Variants in GRIA2 observed in about 807,000 individuals in gnomAD.
The protein encoded by GRIA2 is glutamate ionotropic receptor AMPA type subunit 2.
GRIA2 carries 14 observed loss-of-function variants against 97.3 expected under a neutral mutation model. The observed-to-expected ratio is 0.14, with a 90% CI of 0.10 to 0.23. GRIA2 has a LOEUF of 0.23. GRIA2 is among the 10% of genes least tolerant of loss of function. The pLI, the probability that GRIA2 is intolerant of heterozygous loss-of-function variation, is 1.00. For synonymous variants in GRIA2, 412 were observed against 387.8 expected, an observed-to-expected ratio of 1.06 and a Z score of -0.73; for missense variants, 558 against 1,069.8, an observed-to-expected ratio of 0.52 and a Z score of 6.67.
intron 12 of GRIA2, among the ~76,000 whole-genome samples, chr4:157,349,509 TG>T (rs1479064842): frequency 6.7e-6 from 1 of 149,088 alleles, no homozygotes; most frequent in Non-Finnish European, 1.5e-5. Context: ...CGTTCTTTTT[TG>T]TAACCTCAAA....
chr4:157,271,700 T>TC (rs1732031994), intron 2 of GRIA2, among the ~76,000 whole-genome samples: 1 of 152,108 alleles, frequency 6.6e-6, no homozygotes, highest in Non-Finnish European at 1.5e-5. Flanking sequence ...CTCTCTGCCC[T>TC]CCCTGGAGGT....
chr4:157,347,078 C>T (rs531333915), intron 12 of GRIA2, among the ~76,000 whole-genome samples: 4 of 152,190 alleles, frequency 2.6e-5, no homozygotes, highest in Admixed American at 6.5e-5. Context: ...TCCTTTAAAA[C>T]GTATTGCCCA....
chr4:157,316,084 A>C (rs1488062678), intron 4 of GRIA2, among the ~76,000 whole-genome samples: 1 of 152,126 alleles, frequency 6.6e-6, no homozygotes, highest in East Asian at 1.9e-4. Context: ...CTACTGATAC[A>C]ACCTTTTATA....
At chr4:157,274,020 C>G (rs1433460480) in intron 2 of GRIA2, among the ~76,000 whole-genome samples, 4 of 152,016 alleles carry the variant, frequency 2.6e-5, no homozygotes. Flanking sequence ...AGAATTATAT[C>G]TGACTTACCC....
At chr4:157,222,453 C>T (rs1173338400) in intron 2 of GRIA2, among the ~76,000 whole-genome samples, 1 of 152,116 alleles carries the variant, frequency 6.6e-6, no homozygotes, top group Non-Finnish European at 1.5e-5. Flanking sequence ...GACGCAGGCT[C>T]AGGCCGGCCG....
intron 2 of GRIA2, among the ~76,000 whole-genome samples, chr4:157,235,205 T>C (rs1190724049): frequency 6.6e-6 from 1 of 152,150 alleles, no homozygotes. Flanking sequence ...TCTACCTTGT[T>C]TGTATGCACC....
rs147873866 is a variant in GRIA2 at position 157,239,519 on chromosome 4, A to G, written c.229+17712A>G. Among the ~76,000 whole-genome samples the G allele has an allele frequency of 2.1e-3, 323 of 152,078 alleles. 1 individual carries two copies. Among genetic ancestry groups the G allele is most frequent in the African/African-American group, 7.7e-3 (320 of 41,562 alleles). On this transcript the variant is annotated intron_variant, in intron 2 of 15. Coordinates refer to ENST00000264426, the MANE Select transcript of GRIA2 (RefSeq NM_001083619.3). ...ATAACATAATTCTGTTGTTAATTTT[A>G]TATTGCTCTATTTTCATTATAATTT...
chr4:157,349,470 CCCTTCCTTCCTT>C (rs563118474), intron 12 of GRIA2, among the ~76,000 whole-genome samples: 4 of 139,592 alleles, frequency 2.9e-5, no homozygotes, highest in East Asian at 4.7e-4. Flanking sequence ...CCTCCCCCCA[CCCTTCCTTCCTT>C]CCTTCCTTCC....
chr4:157,347,540 T>C (rs1735814860), intron 12 of GRIA2, among the ~76,000 whole-genome samples: 1 of 152,222 alleles, frequency 6.6e-6, no homozygotes, highest in Non-Finnish European at 1.5e-5. Flanking sequence ...TTTCAAAACC[T>C]TTCTAAAATT....
chr4:157,349,450 TCCCCCGCTTCCTCCC>T (rs1415896467), intron 12 of GRIA2, among the ~76,000 whole-genome samples: 1 of 141,730 alleles, frequency 7.1e-6, no homozygotes, highest in Non-Finnish European at 1.5e-5. Flanking sequence ...CCTCCCTCCT[TCCCCCGCTTCCTCCC>T]CCCACCCTTC....
rs888872893 is a variant in GRIA2, at chr4:157,365,857, T to C, written c.*2426T>C. 2 of 151,886 alleles carry C rather than the reference T, an allele frequency of 1.3e-5. No homozygotes were observed. The highest frequency in any genetic ancestry group is 4.8e-5 in the African/African-American group (2 of 41,390). 9.4% of individuals were successfully genotyped at this position (151,886 alleles called of 1,614,324 possible). A position where few individuals can be genotyped will look rare whatever the true frequency, so the allele number is the denominator to read the frequency against. ...CTTTACTGTACTTTTTTGTTTACAG[T>C]ATAGTACCTTATTTTCTGCTGTGTT... On this transcript the variant is annotated 3_prime_UTR_variant, in exon 16 of 16. Coordinates refer to ENST00000264426, the MANE Select transcript of GRIA2 (RefSeq NM_001083619.3).
intron 2 of GRIA2, among the ~76,000 whole-genome samples, chr4:157,270,678 A>G (rs1307253313): frequency 2.0e-5 from 3 of 152,082 alleles, no homozygotes; most frequent in African/African-American, 7.2e-5. Context: ...TTGTAAGACT[A>G]TGACACCTTG....
Position 157,293,982 on chromosome 4 carries a change from T to C in GRIA2, c.230-9570T>C, listed in dbSNP as rs566720056. Among the ~76,000 whole-genome samples, 4 of 152,184 alleles carry C rather than the reference T, an allele frequency of 2.6e-5. No homozygotes were observed. In the South Asian group the frequency reaches 8.3e-4, roughly 32 times the overall value. ...ATTTATATGATTTTGCATTATACTATATTGAAAAAAATGTGTCCTTTGAAA... is the reference window on the plus strand; with the variant it reads ...ATTTATATGATTTTGCATTATACTACATTGAAAAAAATGTGTCCTTTGAAA... On this transcript the variant is annotated intron_variant, in intron 2 of 15. Transcript: ENST00000264426.
At chr4:157,339,916 T>G (rs527616686) in intron 11 of GRIA2, among the ~76,000 whole-genome samples, 1 of 152,038 alleles carries the variant, frequency 6.6e-6, no homozygotes, top group East Asian at 1.9e-4. Flanking sequence ...TTTAACTTTT[T>G]CCATCCTTTC....
intron 11 of GRIA2, among the ~76,000 whole-genome samples, chr4:157,338,921 T>C (rs1340921894): frequency 6.6e-6 from 1 of 152,010 alleles, no homozygotes; most frequent in South Asian, 2.1e-4. Context: ...TTAAAAAGCA[T>C]GACATCCACA....
At chr4:157,221,609 C>T in intron 1 of GRIA2, 58 bp from the exon 2 acceptor site, 2 of 1,581,426 alleles carry the variant, frequency 1.3e-6, no homozygotes, top group Non-Finnish European at 1.7e-6. Context: ...GCGCGCGCCC[C>T]TCCTTTCCCT....
intron 3 of GRIA2, among the ~76,000 whole-genome samples, chr4:157,305,194 T>C (rs1733789607): frequency 1.3e-5 from 2 of 152,198 alleles, no homozygotes; most frequent in South Asian, 4.1e-4. Flanking sequence ...TTTAGTATTT[T>C]GTGTTGTTCA....
intron 2 of GRIA2, among the ~76,000 whole-genome samples, chr4:157,260,937 T>G (rs1463725419): frequency 2.6e-5 from 4 of 152,090 alleles, no homozygotes; most frequent in African/African-American, 9.7e-5. Context: ...TCTATTGATT[T>G]GGCCTTTCAT....
chr4:157,243,589 C>T (rs952533467), intron 2 of GRIA2, among the ~76,000 whole-genome samples: 9 of 152,144 alleles, frequency 5.9e-5, no homozygotes, highest in African/African-American at 2.2e-4. Flanking sequence ...GGACATTAAA[C>T]TCCTTTGAGG....
Sources: gnomAD v4.1 joint callset for allele counts (sites outside exome capture counted in the v4.1 genomes callset) on GRCh38, gnomAD v4.1.1 for gene constraint, MANE v1.5 for transcripts, NCBI Gene and HGNC (gene_info 2026-07-23, HGNC 2026-07-21) for gene names.